The following KSR2 variants were observed in gnomAD, a reference collection of about 807,000 sequenced individuals.
KSR2 encodes kinase suppressor of ras 2.
A neutral mutation model predicts 107.8 loss-of-function variants in KSR2; 25 were observed. The ratio of observed to expected loss-of-function variants is 0.23; its 90% CI spans 0.17 to 0.32. The LOEUF is 0.32. Ranked by LOEUF, KSR2 falls within the 10% of genes least tolerant of loss-of-function variation. The pLI, the probability that KSR2 is intolerant of heterozygous loss-of-function variation, is 1.00. For synonymous variants in KSR2, 480 were observed against 507.0 expected, an observed-to-expected ratio of 0.95 and a Z score of 0.71; for missense variants, 887 against 1,268.9, an observed-to-expected ratio of 0.70 and a Z score of 4.57.
intron 4 of KSR2, among the ~76,000 whole-genome samples, chr12:117,725,199 C>T (rs1887377445): frequency 6.6e-6 from 1 of 152,044 alleles, no homozygotes; most frequent in African/African-American, 2.4e-5. Context: ...GTTTTTGTCT[C>T]CCAACTGCAC....
chr12:117,746,977 G>A (rs1242199161), intron 4 of KSR2, among the ~76,000 whole-genome samples: 1 of 152,200 alleles, frequency 6.6e-6, no homozygotes, highest in Non-Finnish European at 1.5e-5. Context: ...CTTTTACACT[G>A]TTGGTGGGAG....
chr12:117,838,299 C>T (rs990568614), intron 3 of KSR2, among the ~76,000 whole-genome samples: 15 of 152,206 alleles, frequency 9.9e-5, no homozygotes, highest in African/African-American at 3.6e-4. Flanking sequence ...TCCCAAGTAG[C>T]TGGGATTACA....
chr12:117,613,631 G>A (rs1182702905), intron 5 of KSR2, among the ~76,000 whole-genome samples: 3 of 152,194 alleles, frequency 2.0e-5, no homozygotes, highest in Non-Finnish European at 4.4e-5. Context: ...GTGAACCTTG[G>A]TCACTGGAAG....
At chr12:117,482,522 C>T (rs1872233123) in intron 16 of KSR2, among the ~76,000 whole-genome samples, 1 of 152,090 alleles carries the variant, frequency 6.6e-6, no homozygotes, top group Admixed American at 6.5e-5. Context: ...AAGGCACTCC[C>T]TGGGTTTGTG....
chr12:117,584,565 A>G (rs1404955971), intron 5 of KSR2, among the ~76,000 whole-genome samples: 4 of 152,206 alleles, frequency 2.6e-5, no homozygotes, highest in African/African-American at 7.2e-5. Context: ...ACTGAAACTG[A>G]TTAGCAATGT....
intron 5 of KSR2, among the ~76,000 whole-genome samples, chr12:117,600,013 T>C (rs1449376565): frequency 6.6e-6 from 1 of 152,190 alleles, no homozygotes; most frequent in Non-Finnish European, 1.5e-5. Context: ...CCACAGGTTC[T>C]ACCAGACAAA....
At chr12:117,774,955 A>G (rs997710902) in intron 3 of KSR2, among the ~76,000 whole-genome samples, 1 of 152,034 alleles carries the variant, frequency 6.6e-6, no homozygotes, top group Non-Finnish European at 1.5e-5. Flanking sequence ...CCTTTTGCAT[A>G]ATGTTGTCAA....
intron 5 of KSR2, among the ~76,000 whole-genome samples, chr12:117,641,326 A>C (rs1593082507): frequency 6.6e-6 from 1 of 151,972 alleles, no homozygotes; most frequent in Admixed American, 6.6e-5. Flanking sequence ...CGAATTCCTG[A>C]CCTCAGAGCC....
chr12:117,958,534 A>C (rs1739217728), intron 1 of KSR2, among the ~76,000 whole-genome samples: 1 of 152,168 alleles, frequency 6.6e-6, no homozygotes, highest in Non-Finnish European at 1.5e-5. Context: ...TAAAGAAATG[A>C]TGGGGGCCGG....
intron 1 of KSR2, among the ~76,000 whole-genome samples, chr12:117,890,028 A>G (rs539060297): frequency 6.6e-6 from 1 of 152,062 alleles, no homozygotes; most frequent in South Asian, 2.1e-4. Context: ...AATCCCCCCA[A>G]CCCCTACTCC....
At chr12:117,890,341 T>C (rs1894301477) in intron 1 of KSR2, among the ~76,000 whole-genome samples, 1 of 152,168 alleles carries the variant, frequency 6.6e-6, no homozygotes, top group African/African-American at 2.4e-5. Context: ...TCTAGGGGTG[T>C]CCACAGGCTT....
At chr12:117,856,138 GAAACTA>G (rs1017788498) in intron 2 of KSR2, among the ~76,000 whole-genome samples, 2 of 152,220 alleles carry the variant, frequency 1.3e-5, no homozygotes, top group Non-Finnish European at 2.9e-5. Context: ...TGCTGGAAAT[GAAACTA>G]GGTTTGTTTT....
rs541098219 is a variant in KSR2, at chr12:117,893,851, G to A, written c.181-33420C>T. Among the ~76,000 whole-genome samples the A allele has an allele frequency of 2.4e-4, 37 of 151,508 alleles. No homozygotes were observed. In the South Asian group the frequency reaches 7.1e-3, roughly 29 times the overall value. ...GTAACCAAGATAAATATATTTTAACGCAGCATTTTAAAAAGTCAAAATTCA... is the reference window on the plus strand; with the variant it reads ...GTAACCAAGATAAATATATTTTAACACAGCATTTTAAAAAGTCAAAATTCA... On this transcript the variant is annotated intron_variant, in intron 1 of 19. Transcript: ENST00000339824.
At chr12:117,806,906 T>C (rs58333641) in intron 3 of KSR2, among the ~76,000 whole-genome samples, 10,753 of 152,254 alleles carry the variant, frequency 0.071, 1,168 homozygotes, top group African/African-American at 0.22. Flanking sequence ...CCAATTCACC[T>C]GCTGTACAGG....
intron 3 of KSR2, among the ~76,000 whole-genome samples, chr12:117,791,448 G>A (rs1224271925): frequency 2.6e-5 from 4 of 152,124 alleles, no homozygotes; most frequent in African/African-American, 9.7e-5. Context: ...CAGAAACTTT[G>A]TCTATCTTGT....
intron 3 of KSR2, among the ~76,000 whole-genome samples, chr12:117,783,430 T>C (rs1889953612): frequency 6.6e-6 from 1 of 152,202 alleles, no homozygotes; most frequent in Admixed American, 6.5e-5. Flanking sequence ...TCCTCATCTG[T>C]AAAATGGGGA....
intron 1 of KSR2, among the ~76,000 whole-genome samples, chr12:117,931,679 C>A (rs979024963): frequency 6.6e-6 from 1 of 152,182 alleles, no homozygotes; most frequent in African/African-American, 2.4e-5. Flanking sequence ...CTGCTAGGCA[C>A]GGAGCCCAAA....
chr12:117,925,591 T>C (rs1003020705), intron 1 of KSR2, among the ~76,000 whole-genome samples: 7 of 152,214 alleles, frequency 4.6e-5, no homozygotes, highest in African/African-American at 1.7e-4. Context: ...TAATAATAAT[T>C]ATAGTAATGA....
rs2137236054 is a variant in KSR2 at position 117,525,172 on chromosome 12, C to T, written c.1899G>A (p.Glu633=). The T allele has an allele frequency of 6.2e-7, 1 of 1,613,550 alleles. No homozygotes were observed. The highest frequency in any genetic ancestry group is 2.2e-5 in the East Asian group (1 of 44,854). The change falls in exon 14 of 20, where the codon GAG becomes GAA. Residue 633 remains glutamate (E), a synonymous_variant. Transcript: ENST00000339824. The stretch of plus-strand genomic sequence containing the variant: ...CCGAGAGGAGGGACAGGTTCATCTC[C>T]TCGAAGTCATCCTCTGACTCTTCGG... ...DEAEESEDDF[E]EMNLSLLSAR...
Sources: allele counts gnomAD v4.1 joint callset (sites outside exome capture counted in the v4.1 genomes callset), GRCh38; gene constraint gnomAD v4.1.1; transcripts MANE v1.5; gene names NCBI Gene and HGNC (gene_info 2026-07-23, HGNC 2026-07-21).